Variants in MAPRE2 observed in about 807,000 individuals in gnomAD.
The protein encoded by MAPRE2 is microtubule associated protein RP/EB family member 2.
MAPRE2 carries 13 observed loss-of-function variants against 43.2 expected under a neutral mutation model. The observed-to-expected ratio is 0.30, with a 90% CI of 0.20 to 0.48. The LOEUF is 0.48. Ranked by LOEUF, MAPRE2 falls within the 20% of genes least tolerant of loss-of-function variation. The pLI, the probability that MAPRE2 is intolerant of heterozygous loss-of-function variation, is 0.99. For missense variants in MAPRE2, 161 were observed against 400.2 expected, an observed-to-expected ratio of 0.40 and a Z score of 5.10; for synonymous variants, 135 against 148.8, an observed-to-expected ratio of 0.91 and a Z score of 0.68.
chr18:35,093,173 C>T (rs1415801684), intron 2 of MAPRE2, among the ~76,000 whole-genome samples: 3 of 126,502 alleles, frequency 2.4e-5, no homozygotes, highest in African/African-American at 9.1e-5. Flanking sequence ...GATCATGACA[C>T]TGCACTCCAG....
chr18:35,004,936 A>G (rs899749572), intron 1 of MAPRE2, among the ~76,000 whole-genome samples: 7 of 152,096 alleles, frequency 4.6e-5, no homozygotes, highest in African/African-American at 1.7e-4. Context: ...AAAAAAAAGA[A>G]AAGAAAGTAA....
chr18:35,084,233 C>T (rs1032428605), intron 2 of MAPRE2, among the ~76,000 whole-genome samples: 1 of 151,992 alleles, frequency 6.6e-6, no homozygotes, highest in Non-Finnish European at 1.5e-5. Context: ...AAGATTGTGC[C>T]ACTGCACTCC....
chr18:34,980,272 G>T (rs905494567), intron 1 of MAPRE2, among the ~76,000 whole-genome samples: 7 of 151,898 alleles, frequency 4.6e-5, no homozygotes, highest in African/African-American at 1.7e-4. Flanking sequence ...TGATCCACCC[G>T]CCTCGGCCTC....
At chr18:35,086,847 A>G (rs556091021) in intron 2 of MAPRE2, among the ~76,000 whole-genome samples, 1 of 152,272 alleles carries the variant, frequency 6.6e-6, no homozygotes, top group African/African-American at 2.4e-5. Context: ...TAAAATACAT[A>G]TGAAAACGCT....
chr18:35,128,578 AG>A (rs1910008857), intron 5 of MAPRE2, among the ~76,000 whole-genome samples: 2 of 152,242 alleles, frequency 1.3e-5, no homozygotes, highest in African/African-American at 4.8e-5. Flanking sequence ...TAAAGTATAC[AG>A]GAGTATGTGC....
chr18:35,119,723 G>A (rs1289458673), intron 4 of MAPRE2, among the ~76,000 whole-genome samples: 1 of 152,202 alleles, frequency 6.6e-6, no homozygotes, highest in South Asian at 2.1e-4. Context: ...TATTGAAGCT[G>A]AGCATATTTA....
chr18:35,071,607 G>A (rs115836630), intron 2 of MAPRE2, among the ~76,000 whole-genome samples: 2,806 of 152,220 alleles, frequency 0.018, 78 homozygotes, highest in African/African-American at 0.064. Context: ...AGAATAGGTA[G>A]GAAGAAGTCA....
At chr18:35,005,179 C>T (rs1019925600) in intron 1 of MAPRE2, among the ~76,000 whole-genome samples, 1 of 152,074 alleles carries the variant, frequency 6.6e-6, no homozygotes, top group African/African-American at 2.4e-5. Flanking sequence ...TCACATCAGA[C>T]TATCAGGGCA....
chr18:35,071,581 T>C (rs1907120270), intron 2 of MAPRE2, among the ~76,000 whole-genome samples: 1 of 152,214 alleles, frequency 6.6e-6, no homozygotes, highest in Non-Finnish European at 1.5e-5. Context: ...TGTATTTGTG[T>C]GAAATTTCAT....
At chr18:35,061,086 G>A (rs371043512) in intron 1 of MAPRE2, among the ~76,000 whole-genome samples, 11 of 90,508 alleles carry the variant, frequency 1.2e-4, no homozygotes, top group East Asian at 1.3e-3. Flanking sequence ...ATTAGCTGTC[G>A]TTAGGAGTTC....
chr18:35,123,622 G>A (rs1909782169), intron 4 of MAPRE2, among the ~76,000 whole-genome samples: 1 of 152,156 alleles, frequency 6.6e-6, no homozygotes, highest in South Asian at 2.1e-4. Context: ...ATCTTAAGAG[G>A]AAACCAAGGA....
intron 1 of MAPRE2, among the ~76,000 whole-genome samples, chr18:34,998,232 T>C (rs976121281): frequency 6.6e-6 from 1 of 152,112 alleles, no homozygotes; most frequent in African/African-American, 2.4e-5. Flanking sequence ...GTCTTCACAT[T>C]GGCTCAAACA....
chr18:35,037,316 TTAAATACATTATATAA>T (rs1230581902), upstream of MAPRE2, among the ~76,000 whole-genome samples: 3 of 152,230 alleles, frequency 2.0e-5, no homozygotes, highest in Non-Finnish European at 2.9e-5. Flanking sequence ...GTTAAGTGCT[TTAAATACATTATATAA>T]TTTAATCTCC....
chr18:35,099,119 C>T (rs1044137128), intron 3 of MAPRE2, among the ~76,000 whole-genome samples: 4 of 152,160 alleles, frequency 2.6e-5, no homozygotes, highest in Non-Finnish European at 5.9e-5. Context: ...TAAATGCCTT[C>T]TTTTAACAGC....
intron 1 of MAPRE2, among the ~76,000 whole-genome samples, chr18:35,052,682 CAGTATG>C (rs1327330166): frequency 3.9e-5 from 6 of 152,156 alleles, no homozygotes; most frequent in Non-Finnish European, 7.3e-5. Context: ...CCTAGCAGCA[CAGTATG>C]AGAGTTCTGA....
chr18:35,015,748 A>G (rs2097037847), intron 2 of MAPRE2, among the ~76,000 whole-genome samples: 1 of 151,832 alleles, frequency 6.6e-6, no homozygotes, highest in Non-Finnish European at 1.5e-5. Flanking sequence ...ATGAACAAAA[A>G]TTCAGAACAA....
intron 1 of MAPRE2, among the ~76,000 whole-genome samples, chr18:35,045,048 G>A (rs1199546738): frequency 2.6e-5 from 4 of 152,150 alleles, no homozygotes; most frequent in Non-Finnish European, 4.4e-5. Context: ...AAAAGAGTAA[G>A]TACAAAAATG....
intron 5 of MAPRE2, among the ~76,000 whole-genome samples, chr18:35,130,991 G>C (rs1910119329): frequency 1.3e-5 from 2 of 152,188 alleles, no homozygotes; most frequent in Admixed American, 1.3e-4. Flanking sequence ...GGGGAAGAAA[G>C]AGGAATGAGG....
intron 1 of MAPRE2, among the ~76,000 whole-genome samples, chr18:35,059,979 C>T (rs1414219856): frequency 2.0e-5 from 3 of 152,120 alleles, no homozygotes; most frequent in Admixed American, 6.5e-5. Flanking sequence ...AAAATGTGTG[C>T]ACCACAGGAC....
Sources: gnomAD v4.1 joint callset for allele counts (sites outside exome capture counted in the v4.1 genomes callset) on GRCh38, gnomAD v4.1.1 for gene constraint, MANE v1.5 for transcripts, NCBI Gene and HGNC (gene_info 2026-07-23, HGNC 2026-07-21) for gene names.